The following PCDH9 variants were observed in gnomAD, a reference collection of about 807,000 sequenced individuals.
PCDH9 encodes protocadherin-9.
In PCDH9, 24 loss-of-function variants were observed where a neutral mutation model predicts 70.6. That is an observed-to-expected ratio of 0.34 (90% CI 0.25 to 0.48). The LOEUF is 0.48. Ranked by LOEUF, PCDH9 falls within the 20% of genes least tolerant of loss-of-function variation. PCDH9 has a pLI of 0.99. For missense variants in PCDH9, 1,281 were observed against 1,503.6 expected, an observed-to-expected ratio of 0.85 and a Z score of 2.45; for synonymous variants, 562 against 558.5, an observed-to-expected ratio of 1.01 and a Z score of -0.09.
At chr13:66,321,277 C>T (rs766398091) in intron 4 of PCDH9, among the ~76,000 whole-genome samples, 9 of 151,952 alleles carry the variant, frequency 5.9e-5, no homozygotes, top group Non-Finnish European at 8.8e-5. Flanking sequence ...TATAAAATAA[C>T]GATGTAATGA....
chr13:66,412,709 T>C (rs1215510434), intron 4 of PCDH9, among the ~76,000 whole-genome samples: 1 of 152,200 alleles, frequency 6.6e-6, no homozygotes, highest in Non-Finnish European at 1.5e-5. Flanking sequence ...TCCATACCAA[T>C]GCTAGTGTCC....
At chr13:67,126,209 AT>A (rs2086976563) in intron 2 of PCDH9, among the ~76,000 whole-genome samples, 1 of 152,168 alleles carries the variant, frequency 6.6e-6, no homozygotes, top group African/African-American at 2.4e-5. Flanking sequence ...TTTCATTTTA[AT>A]TTAACTATCT....
At chr13:66,681,898 G>T (rs750617155) in intron 3 of PCDH9, among the ~76,000 whole-genome samples, 2 of 146,768 alleles carry the variant, frequency 1.4e-5, no homozygotes, top group Non-Finnish European at 3.0e-5. Flanking sequence ...TCATGTTGAA[G>T]TTAAAGATAT....
chr13:66,812,448 A>G (rs985680078), intron 3 of PCDH9, among the ~76,000 whole-genome samples: 3 of 152,194 alleles, frequency 2.0e-5, no homozygotes, highest in African/African-American at 7.2e-5. Flanking sequence ...ACACTGATAA[A>G]TCACTATGTC....
At chr13:66,480,984 C>CA (rs760390762) in intron 4 of PCDH9, among the ~76,000 whole-genome samples, 1 of 151,968 alleles carries the variant, frequency 6.6e-6, no homozygotes, top group African/African-American at 2.4e-5. Flanking sequence ...GCAGCCATAA[C>CA]AAAGGATGAG....
At chr13:66,455,189 C>A (rs958372253) in intron 4 of PCDH9, among the ~76,000 whole-genome samples, 3 of 151,686 alleles carry the variant, frequency 2.0e-5, no homozygotes, top group Admixed American at 1.3e-4. Flanking sequence ...TTATTTATTT[C>A]AGTTCTCTTA....
chr13:66,577,134 A>G (rs1349531156), intron 4 of PCDH9, among the ~76,000 whole-genome samples: 2 of 151,980 alleles, frequency 1.3e-5, no homozygotes, highest in Non-Finnish European at 2.9e-5. Flanking sequence ...TACATGAGAT[A>G]AGAATTATTG....
chr13:66,758,087 T>C (rs942893999), intron 3 of PCDH9, among the ~76,000 whole-genome samples: 1 of 152,104 alleles, frequency 6.6e-6, no homozygotes, highest in African/African-American at 2.4e-5. Flanking sequence ...ATTTTTAAAA[T>C]TGAAATAAAA....
At chr13:67,148,122 T>G (rs2087567870) in intron 2 of PCDH9, among the ~76,000 whole-genome samples, 2 of 152,128 alleles carry the variant, frequency 1.3e-5, no homozygotes, top group Non-Finnish European at 2.9e-5. Context: ...TAACATACTT[T>G]AAGTCCTCAG....
chr13:66,708,482 A>C (rs1439713051), intron 3 of PCDH9, among the ~76,000 whole-genome samples: 1 of 145,704 alleles, frequency 6.9e-6, no homozygotes, highest in African/African-American at 2.5e-5. Flanking sequence ...ATACTCCTTT[A>C]GCCACTATTT....
At chr13:66,488,181 G>A (rs1958976320) in intron 4 of PCDH9, among the ~76,000 whole-genome samples, 1 of 152,154 alleles carries the variant, frequency 6.6e-6, no homozygotes, top group Non-Finnish European at 1.5e-5. Context: ...GCCTGAGCTA[G>A]AAAGAGCCGA....
At chr13:66,582,771 T>C (rs538240875) in intron 4 of PCDH9, among the ~76,000 whole-genome samples, 1 of 152,324 alleles carries the variant, frequency 6.6e-6, no homozygotes, top group South Asian at 2.1e-4. Flanking sequence ...TTCAGTGTAA[T>C]TACTTTAGAT....
chr13:66,481,348 C>T (rs891244266), intron 4 of PCDH9, among the ~76,000 whole-genome samples: 1 of 151,056 alleles, frequency 6.6e-6, no homozygotes, highest in African/African-American at 2.4e-5. Flanking sequence ...ACCTTCAGCA[C>T]TCATCACCCT....
chr13:66,969,374 T>C (rs1003352398), intron 2 of PCDH9, among the ~76,000 whole-genome samples: 6 of 152,012 alleles, frequency 3.9e-5, no homozygotes, highest in Non-Finnish European at 7.4e-5. Context: ...CCCATTGTTA[T>C]ATTCAGCAGC....
chr13:67,124,384 A>G (rs866405313), intron 2 of PCDH9, among the ~76,000 whole-genome samples: 3 of 152,186 alleles, frequency 2.0e-5, no homozygotes, highest in South Asian at 2.1e-4. Flanking sequence ...TGAATACCCA[A>G]TATGTATGCA....
At chr13:66,487,597 T>G (rs1391851292) in intron 4 of PCDH9, among the ~76,000 whole-genome samples, 1 of 152,186 alleles carries the variant, frequency 6.6e-6, no homozygotes, top group Non-Finnish European at 1.5e-5. Context: ...CGTAATATTA[T>G]ATGTCCATAA....
chr13:66,691,314 A>G (rs2078482002), intron 3 of PCDH9, among the ~76,000 whole-genome samples: 1 of 152,178 alleles, frequency 6.6e-6, no homozygotes, highest in Non-Finnish European at 1.5e-5. Flanking sequence ...CTGAAATTAC[A>G]GTCATGAGCC....
chr13:66,884,972 A>T (rs2081983630), intron 3 of PCDH9, among the ~76,000 whole-genome samples: 1 of 152,192 alleles, frequency 6.6e-6, no homozygotes, highest in South Asian at 2.1e-4. Flanking sequence ...TTACAAATTC[A>T]TATCAGCAAT....
rs1393455693 is a variant in PCDH9, at chr13:67,225,675, C to T, written c.2766G>A (p.Pro922=). 7.4e-6 allele frequency: 12 copies of T among 1,613,946 alleles called. No homozygotes were observed. The highest frequency in any genetic ancestry group is 1.7e-5 in the Admixed American group (1 of 59,988). ...EQSIGRFDWG[P]APPTTFKPNS... is the part of the protein sequence containing the mutation. ...TAGGCTTGAATGTTGTTGGAGGTGC[C>T]GGGCCCCAGTCAAATCTTCCTATAC... Residue 922 remains proline (P), a synonymous_variant, in exon 2 of 5, where the codon CCG becomes CCA. Transcript: ENST00000377865.
Sources: gnomAD v4.1 joint callset for allele counts (sites outside exome capture counted in the v4.1 genomes callset) on GRCh38, gnomAD v4.1.1 for gene constraint, MANE v1.5 for transcripts, NCBI Gene and HGNC (gene_info 2026-07-23, HGNC 2026-07-21) for gene names.